The following ELMO1 variants were observed in gnomAD, a reference collection of about 807,000 sequenced individuals.
ELMO1 encodes engulfment and cell motility 1.
A neutral mutation model predicts 98.9 loss-of-function variants in ELMO1; 26 were observed. That is an observed-to-expected ratio of 0.26 (90% CI 0.19 to 0.36). The LOEUF (loss-of-function observed/expected upper bound fraction) is 0.36. ELMO1 is among the 10% of genes least tolerant of loss of function. ELMO1 has a pLI of 1.00. For missense variants in ELMO1, 627 were observed against 935.2 expected (o/e 0.67, Z 4.30); for synonymous variants, 346 against 346.0 (o/e 1.00, Z 0.00).
intron 4 of ELMO1, among the ~76,000 whole-genome samples, chr7:37,311,992 T>G (rs1798912252): frequency 6.6e-6 from 1 of 152,244 alleles, no homozygotes; most frequent in African/African-American, 2.4e-5. Context: ...TATATGAATT[T>G]TAATCAGGAA....
intron 14 of ELMO1, among the ~76,000 whole-genome samples, chr7:37,105,687 C>G (rs1290391494): frequency 1.3e-4 from 20 of 152,284 alleles, no homozygotes; most frequent in Non-Finnish European, 2.9e-4. Context: ...TCTACATTCC[C>G]AATTTCCATC....
At chr7:37,119,139 G>A (rs536647169) in intron 14 of ELMO1, among the ~76,000 whole-genome samples, 1 of 152,216 alleles carries the variant, frequency 6.6e-6, no homozygotes, top group Non-Finnish European at 1.5e-5. Flanking sequence ...AGTTGTTCTA[G>A]TGAGCTCCAA....
intron 16 of ELMO1, among the ~76,000 whole-genome samples, chr7:36,931,642 C>T (rs949719589): frequency 1.3e-5 from 2 of 152,360 alleles, no homozygotes; most frequent in Non-Finnish European, 2.9e-5. Flanking sequence ...AATCACCACA[C>T]TAATATAGAC....
chr7:36,910,816 T>A (rs1168993572), intron 16 of ELMO1, among the ~76,000 whole-genome samples: 1 of 152,160 alleles, frequency 6.6e-6, no homozygotes, highest in Non-Finnish European at 1.5e-5. Flanking sequence ...GATGAACAGT[T>A]AAGGAGGACA....
At chr7:37,027,997 T>TA (rs1385254003) in intron 15 of ELMO1, among the ~76,000 whole-genome samples, 1 of 152,172 alleles carries the variant, frequency 6.6e-6, no homozygotes, top group Non-Finnish European at 1.5e-5. Flanking sequence ...GTGAGTTGTT[T>TA]ATCTTAGAAT....
intron 1 of ELMO1, among the ~76,000 whole-genome samples, chr7:37,396,211 T>C (rs1803293800): frequency 6.6e-6 from 1 of 151,982 alleles, no homozygotes; most frequent in African/African-American, 2.4e-5. Context: ...CTAAGCACAG[T>C]AGACATAATG....
chr7:36,942,648 G>A (rs886990574), intron 16 of ELMO1, among the ~76,000 whole-genome samples: 5 of 152,168 alleles, frequency 3.3e-5, no homozygotes, highest in African/African-American at 1.2e-4. Context: ...CTGGACAAAT[G>A]GCATAGTTTA....
intron 1 of ELMO1, among the ~76,000 whole-genome samples, chr7:37,403,439 G>A (rs1036562328): frequency 1.3e-5 from 2 of 152,168 alleles, no homozygotes; most frequent in Non-Finnish European, 2.9e-5. Context: ...CCAGGAGGAC[G>A]GTAGGGGGGT....
chr7:37,206,916 T>C (rs1305504114), intron 13 of ELMO1, among the ~76,000 whole-genome samples: 1 of 152,096 alleles, frequency 6.6e-6, no homozygotes, highest in Non-Finnish European at 1.5e-5. Flanking sequence ...CTTGTCTGAT[T>C]TTAATATCTG....
chr7:37,288,601 G>A (rs1335837631), intron 4 of ELMO1, among the ~76,000 whole-genome samples: 1 of 152,186 alleles, frequency 6.6e-6, no homozygotes, highest in East Asian at 1.9e-4. Flanking sequence ...TGGACAACCA[G>A]GGCCTTGCAG....
Position 36,855,842 on chromosome 7 carries a change from CAGT to C in ELMO1, c.1984-94_1984-92del. ...TAGCTAACAGTGAATACTCATCCCT[CAGT>C]AGGCTGTGCGCTAAGGGCTCTGCCT... On this transcript the variant is annotated intron_variant, in intron 21 of 21. Coordinates refer to ENST00000310758, the MANE Select transcript of ELMO1 (RefSeq NM_014800.11). This position sits in a 1 kb window ranked among gnomAD's most constrained non-coding sequence, Gnocchi z 4.2. The C allele has an allele frequency of 6.9e-7, 1 of 1,458,548 alleles. No homozygotes were observed. The highest frequency in any genetic ancestry group is 1.2e-5 in the South Asian group (1 of 83,480). 90.4% of individuals were successfully genotyped at this position (1,458,548 alleles called of 1,614,324 possible).
At chr7:37,429,344 A>G (rs572198115) in intron 1 of ELMO1, 1 of 152,382 alleles carries the variant, frequency 6.6e-6, no homozygotes, top group Admixed American at 6.5e-5. Context: ...TGGAACAGTT[A>G]CCCCTGTAAC....
At chr7:37,422,826 C>G (rs1321672626) in intron 1 of ELMO1, among the ~76,000 whole-genome samples, 1 of 152,208 alleles carries the variant, frequency 6.6e-6, no homozygotes, top group African/African-American at 2.4e-5. Context: ...AAGGCCATTT[C>G]AGACTCTCTG....
chr7:36,913,421 A>G (rs771772048), intron 16 of ELMO1, among the ~76,000 whole-genome samples: 6 of 152,228 alleles, frequency 3.9e-5, no homozygotes, highest in Admixed American at 6.5e-5. Context: ...TTTGGAGGTG[A>G]AAATTGCAGA....
chr7:37,172,247 C>T (rs925270063), intron 13 of ELMO1, among the ~76,000 whole-genome samples: 2 of 151,448 alleles, frequency 1.3e-5, no homozygotes, highest in African/African-American at 4.9e-5. Context: ...CGTTGAAAAT[C>T]GCTGTTCTCA....
At chr7:37,421,278 C>T (rs1033038428) in intron 1 of ELMO1, among the ~76,000 whole-genome samples, 1 of 152,246 alleles carries the variant, frequency 6.6e-6, no homozygotes, top group African/African-American at 2.4e-5. Flanking sequence ...CAAGTTTCCT[C>T]TCAAATAGCT....
Position 36,855,161 on chromosome 7 carries a change from A to T in ELMO1, c.*390T>A, listed in dbSNP as rs553784418. 7 of 252,718 alleles carry T rather than the reference A, an allele frequency of 2.8e-5. No individual in the cohort carries two copies. The South Asian group carries it at 3.8e-4, about 14-fold the overall frequency. The allele number at this position is 252,718 out of a possible 1,614,324, so 15.7% of individuals were successfully genotyped here. A position where few individuals can be genotyped will look rare whatever the true frequency, so the allele number is the denominator to read the frequency against. On this transcript the variant is annotated 3_prime_UTR_variant, in exon 22 of 22. Coordinates refer to ENST00000310758, the MANE Select transcript of ELMO1 (RefSeq NM_014800.11). The surrounding 1 kb of genome is among the most constrained non-coding windows in gnomAD (Gnocchi z 4.2). ...TTCCTCCAGACAGGGGCCTTGGGGC[A>T]CTGCCCTTGGTCTGGTGGGCAAGTT... is the stretch of plus-strand genomic sequence containing the variant.
chr7:36,922,735 T>G (rs1785246910), intron 16 of ELMO1, among the ~76,000 whole-genome samples: 1 of 152,204 alleles, frequency 6.6e-6, no homozygotes, highest in South Asian at 2.1e-4. Context: ...TGTTCCCATG[T>G]GGATGCTACA....
At chr7:36,941,230 G>A (rs959928031) in intron 16 of ELMO1, among the ~76,000 whole-genome samples, 10 of 152,150 alleles carry the variant, frequency 6.6e-5, no homozygotes, top group African/African-American at 2.4e-4. Context: ...CTTACTATAA[G>A]GTATATTCAG....
Sources: allele counts gnomAD v4.1 joint callset (sites outside exome capture counted in the v4.1 genomes callset), GRCh38; gene constraint gnomAD v4.1.1; non-coding constraint Gnocchi (gnomAD v3.1); transcripts MANE v1.5; gene names NCBI Gene and HGNC (gene_info 2026-07-23, HGNC 2026-07-21).